KIAA1217: variants seen among roughly 807,000 people sequenced by gnomAD.
KIAA1217 encodes the protein sickle tail protein homolog.
Under a neutral mutation model 163.9 loss-of-function variants are expected in KIAA1217, and 88 were observed. The ratio of observed to expected loss-of-function variants is 0.54; its 90% CI spans 0.45 to 0.64. The LOEUF is 0.64. Ranked by LOEUF, KIAA1217 falls within the 30% of genes least tolerant of loss-of-function variation. KIAA1217 has a pLI of 0.00. For synonymous variants in KIAA1217, 903 were observed against 923.1 expected (o/e 0.98, Z 0.39); for missense variants, 2,372 against 2,475.0 (o/e 0.96, Z 0.88).
At chr10:24,216,625 G>A (rs548976208) in intron 1 of KIAA1217, among the ~76,000 whole-genome samples, 2 of 151,936 alleles carry the variant, frequency 1.3e-5, no homozygotes, top group African/African-American at 4.8e-5. Context: ...TCAGGGGTTC[G>A]AGACCAGCCT....
At position 24,248,630 on chromosome 10, in the gene KIAA1217, C is replaced by T. The variant is rs371954658; in HGVS notation, c.354+28721C>T. Among the ~76,000 whole-genome samples the T allele has an allele frequency of 1.5e-3, 209 of 138,416 alleles. 2 individuals carry two copies. The highest frequency in any genetic ancestry group is 5.1e-3 in the African/African-American group (190 of 37,570). The allele number at this position is 138,416 out of a possible 152,430, so 90.8% of individuals were successfully genotyped here. A position where few individuals can be genotyped will look rare whatever the true frequency, so the allele number is the denominator to read the frequency against. On this transcript the variant is annotated intron_variant, in intron 2 of 20. Coordinates refer to ENST00000376454, the MANE Select transcript of KIAA1217 (RefSeq NM_019590.5). ...AGGTTGCAGTGAGCCGAGATCACTC[C>T]ACTGCCCTCCAGCCTGGGCAACAAA...
intron 1 of KIAA1217, among the ~76,000 whole-genome samples, chr10:23,946,647 G>A (rs1844061775): frequency 6.6e-6 from 1 of 151,892 alleles, no homozygotes; most frequent in Non-Finnish European, 1.5e-5. Context: ...TATTATTATT[G>A]TTATGCTTAC....
intron 9 of KIAA1217, among the ~76,000 whole-genome samples, chr10:24,509,005 G>C (rs537349082): frequency 3.3e-5 from 5 of 152,254 alleles, no homozygotes; most frequent in African/African-American, 1.2e-4. Flanking sequence ...AAAATTCATC[G>C]AACGGTGCAC....
chr10:24,486,799 T>TC (rs1477692278), intron 6 of KIAA1217, among the ~76,000 whole-genome samples: 7 of 152,208 alleles, frequency 4.6e-5, no homozygotes, highest in African/African-American at 1.7e-4. Flanking sequence ...GATTTTTTTT[T>TC]CTCCTTCATG....
chr10:24,209,229 C>T lies in KIAA1217; in HGVS notation c.36C>T (p.Cys12=), dbSNP rs2067758787. 1 of 1,613,744 alleles carries T rather than the reference C, an allele frequency of 6.2e-7. No homozygotes were observed. The highest frequency in any genetic ancestry group is 1.3e-5 in the African/African-American group (1 of 74,872). ...ATGAAAGCCAGAAATGTGAGCCGTG[C>T]CTTCCTTACTCAGCAGACAGAAGAC... The part of the protein sequence containing the change: ...EENESQKCEP[C]LPYSADRRQM... Residue 12 remains cysteine, a synonymous_variant, in exon 1 of 21, where the codon TGC becomes TGT. Transcript: ENST00000376454.
chr10:24,446,061 A>G (rs1005553298), intron 5 of KIAA1217, among the ~76,000 whole-genome samples: 8 of 152,128 alleles, frequency 5.3e-5, no homozygotes, highest in African/African-American at 1.9e-4. Flanking sequence ...TGACTTTTTA[A>G]TGATCGCCAT....
chr10:24,129,027 G>A (rs945489452), intron 2 of KIAA1217, among the ~76,000 whole-genome samples: 1 of 152,110 alleles, frequency 6.6e-6, no homozygotes, highest in Non-Finnish European at 1.5e-5. Context: ...TTCCCTCTTT[G>A]TATAGGGTAG....
At chr10:24,004,782 G>A (rs1037843405) in intron 1 of KIAA1217, among the ~76,000 whole-genome samples, 1 of 152,200 alleles carries the variant, frequency 6.6e-6, no homozygotes, top group African/African-American at 2.4e-5. Flanking sequence ...GAGCAAAACT[G>A]TAGCCATTGA....
At chr10:23,758,326 A>G (rs1564395796) in intron 1 of KIAA1217, among the ~76,000 whole-genome samples, 1 of 152,004 alleles carries the variant, frequency 6.6e-6, no homozygotes, top group Admixed American at 6.6e-5. Flanking sequence ...TCTTTTCCCC[A>G]GTGAATAGTC....
intron 2 of KIAA1217, among the ~76,000 whole-genome samples, chr10:24,230,963 A>G (rs138967604): frequency 2.4e-4 from 36 of 152,308 alleles, no homozygotes; most frequent in African/African-American, 8.7e-4. Context: ...CTTAAATTCT[A>G]GATCAGACCA....
intron 1 of KIAA1217, among the ~76,000 whole-genome samples, chr10:23,768,182 C>T (rs931651775): frequency 6.6e-6 from 1 of 152,148 alleles, no homozygotes; most frequent in South Asian, 2.1e-4. Flanking sequence ...TCAACTTTTC[C>T]CTTGGGGAAG....
At chr10:23,843,338 A>C (rs981356002) in intron 1 of KIAA1217, among the ~76,000 whole-genome samples, 3 of 152,140 alleles carry the variant, frequency 2.0e-5, no homozygotes, top group Non-Finnish European at 4.4e-5. Context: ...CAAGACAGTT[A>C]TTTCTTTCTA....
intron 1 of KIAA1217, among the ~76,000 whole-genome samples, chr10:23,955,127 C>T (rs544129720): frequency 6.6e-6 from 1 of 152,220 alleles, no homozygotes; most frequent in South Asian, 2.1e-4. Context: ...TTGAAGCAGG[C>T]AACATTATTG....
At chr10:24,277,510 C>T (rs1428569774) in intron 2 of KIAA1217, among the ~76,000 whole-genome samples, 1 of 152,188 alleles carries the variant, frequency 6.6e-6, no homozygotes, top group Non-Finnish European at 1.5e-5. Flanking sequence ...ATTGTAGTTC[C>T]CATAATCCCC....
At chr10:24,524,081 G>A (rs1372007513) in intron 12 of KIAA1217, among the ~76,000 whole-genome samples, 1 of 152,196 alleles carries the variant, frequency 6.6e-6, no homozygotes, top group Admixed American at 6.5e-5. Flanking sequence ...AGGAGTTAGA[G>A]AGGCTGCTGT....
intron 3 of KIAA1217, among the ~76,000 whole-genome samples, chr10:24,399,219 G>T (rs771788988): frequency 6.6e-6 from 1 of 152,210 alleles, no homozygotes; most frequent in Non-Finnish European, 1.5e-5. Context: ...TCATAGCGAT[G>T]AACTGAGGTT....
At chr10:24,374,778 A>G (rs1008087191) in intron 2 of KIAA1217, among the ~76,000 whole-genome samples, 1 of 151,964 alleles carries the variant, frequency 6.6e-6, no homozygotes, top group African/African-American at 2.4e-5. Context: ...CTTTTTTTAA[A>G]TTTTGTATTC....
intron 2 of KIAA1217, among the ~76,000 whole-genome samples, chr10:24,335,209 T>C (rs1035029179): frequency 4.0e-5 from 6 of 151,650 alleles, no homozygotes; most frequent in Non-Finnish European, 7.4e-5. Context: ...GGCAAACCCA[T>C]AAAGATAGAG....
At position 24,543,051 on chromosome 10, in the gene KIAA1217, G is replaced by A. The variant is rs1321169639; in HGVS notation, c.3781G>A (p.Glu1261Lys). 6.2e-7 allele frequency: 1 copy of A among 1,613,584 alleles called. No individual in the cohort carries two copies. Among genetic ancestry groups the A allele is most frequent in the Admixed American group, 1.7e-5 (1 of 59,986 alleles). The part of the protein sequence containing the change: ...LLRDSRNYSQ[E>K]TVPKASFGFS... ...CAGAGACAGTAGAAACTATTCCCAG[G>A]AAACTGTGCCTAAGGCCAGTTTCGG... Residue 1261 changes from glutamate (E) to lysine (K), a missense_variant, in exon 19 of 21, where the codon GAA becomes AAA. By Grantham distance (56) the Glu-to-Lys change is moderately conservative (BLOSUM62 1). Coordinates refer to ENST00000376454, the MANE Select transcript of KIAA1217 (RefSeq NM_019590.5).
Sources: gnomAD v4.1 joint callset for allele counts (sites outside exome capture counted in the v4.1 genomes callset) on GRCh38, gnomAD v4.1.1 for gene constraint, MANE v1.5 for transcripts, NCBI Gene and HGNC (gene_info 2026-07-23, HGNC 2026-07-21) for gene names.